Variants in IGSF10 observed in about 807,000 individuals in gnomAD.
IGSF10 encodes the protein calvaria mechanical force protein 608.
In IGSF10, 126 loss-of-function variants were observed where a neutral mutation model predicts 128.2. The observed-to-expected ratio is 0.98, with a 90% CI of 0.85 to 1.14. The LOEUF (loss-of-function observed/expected upper bound fraction) is 1.14. Ranked by LOEUF, IGSF10 falls within the 50% of genes most tolerant of loss-of-function variation. The pLI is 0.00. For synonymous variants in IGSF10, 1,185 were observed against 1,146.2 expected (o/e 1.03, Z -0.68); for missense variants, 3,295 against 3,149.8 (o/e 1.05, Z -1.10).
At chr3:151,608,442 G>A in the IGSF10 span, among the ~76,000 whole-genome samples, 3 of 152,298 alleles carry the variant, frequency 2.0e-5, no homozygotes, top group Admixed American at 6.5e-5. Context: ...GCCTTTGGAC[G>A]TTCAGGTTTC....
At chr3:151,547,079 C>A in the IGSF10 span, among the ~76,000 whole-genome samples, 2 of 152,026 alleles carry the variant, frequency 1.3e-5, no homozygotes, top group Non-Finnish European at 2.9e-5. Context: ...GGCCTCTTTT[C>A]TCCATATTTC....
chr3:151,607,679 A>C, the IGSF10 span, among the ~76,000 whole-genome samples: 3 of 152,116 alleles, frequency 2.0e-5, no homozygotes, highest in African/African-American at 7.2e-5. Context: ...TGGGAGGCTG[A>C]GGCGGGCGGA....
At position 151,436,488 on chromosome 3, in the gene IGSF10, GT is replaced by G; in HGVS notation, c.*200del. ...AAAATAAAAGTGCCTTAAGTTAAAA[GT>G]TTGTTTTGAGATCCATTAAATAAAT... is the stretch of plus-strand genomic sequence containing the variant. On this transcript the variant is annotated 3_prime_UTR_variant, in exon 8 of 8. Coordinates refer to ENST00000282466, the MANE Select transcript of IGSF10 (RefSeq NM_178822.5). 2.2e-6 allele frequency: 1 copy of G among 450,020 alleles called. No individual in the cohort carries two copies. The highest frequency in any genetic ancestry group is 3.5e-5 in the East Asian group (1 of 28,406). The allele number at this position is 450,020 out of a possible 1,614,324, so 27.9% of individuals were successfully genotyped here.
the IGSF10 span, among the ~76,000 whole-genome samples, chr3:151,603,678 G>C: frequency 8.5e-5 from 13 of 152,206 alleles, no homozygotes; most frequent in Admixed American, 2.6e-4. Context: ...AGTGTGAGTT[G>C]GCAAAGCTGT....
chr3:151,463,546 T>TTTTG (rs1722160935), upstream of IGSF10, among the ~76,000 whole-genome samples: 1 of 103,638 alleles, frequency 9.6e-6, no homozygotes, highest in African/African-American at 3.8e-5. Context: ...TTTTTTTTTT[T>TTTTG]TTTTTTTTTT....
At chr3:151,588,270 G>A in the IGSF10 span, among the ~76,000 whole-genome samples, 2 of 152,056 alleles carry the variant, frequency 1.3e-5, no homozygotes, top group Admixed American at 6.5e-5. Flanking sequence ...CTTCTGCTGG[G>A]TCTCATCATG....
chr3:151,569,564 C>T, the IGSF10 span, among the ~76,000 whole-genome samples: 1 of 152,018 alleles, frequency 6.6e-6, no homozygotes, highest in South Asian at 2.1e-4. Flanking sequence ...ATTGCAATGC[C>T]TTGGCTTTCA....
In IGSF10 at chr3:151,445,481, A is replaced by G. The variant is rs1721129916; in HGVS notation, c.4500T>C (p.Asn1500=). The G allele has an allele frequency of 6.2e-7, 1 of 1,614,004 alleles. No individual in the cohort carries two copies. Among genetic ancestry groups the G allele is most frequent in the South Asian group, 1.1e-5 (1 of 91,088 alleles). The part of the protein sequence containing the change: ...VATPISGLMT[N]TVVKLHESSR... ...AGGATTCGTGCAGCTTGACCACTGT[A>G]TTTGTCATAAGCCCGGAAATGGGAG... Residue 1500 remains asparagine, a synonymous_variant, in exon 6 of 8, where the codon AAT becomes AAC. Transcript: ENST00000282466.
chr3:151,537,071 T>G, the IGSF10 span, among the ~76,000 whole-genome samples: 1 of 152,188 alleles, frequency 6.6e-6, no homozygotes, highest in African/African-American at 2.4e-5. Context: ...TTGGGATGAT[T>G]TGCAAGGATT....
At chr3:151,599,752 A>AT in the IGSF10 span, among the ~76,000 whole-genome samples, 210 of 152,128 alleles carry the variant, frequency 1.4e-3, no homozygotes, top group Admixed American at 1.7e-3. Flanking sequence ...GGATATTTGT[A>AT]TTTTTTTTAA....
the IGSF10 span, among the ~76,000 whole-genome samples, chr3:151,476,773 G>C: frequency 6.6e-6 from 1 of 152,210 alleles, no homozygotes; most frequent in Non-Finnish European, 1.5e-5. Flanking sequence ...TATGTTTAGA[G>C]AGGTGGCAGT....
intron 7 of IGSF10, among the ~76,000 whole-genome samples, chr3:151,440,310 G>A (rs1014908987): frequency 6.6e-6 from 1 of 152,148 alleles, no homozygotes; most frequent in African/African-American, 2.4e-5. Context: ...AATGACAGGC[G>A]TGAACCACCA....
chr3:151,501,863 A>G, the IGSF10 span, among the ~76,000 whole-genome samples: 1 of 152,130 alleles, frequency 6.6e-6, no homozygotes, highest in Non-Finnish European at 1.5e-5. Context: ...TTAGTGAAAT[A>G]GCTCTTTTGT....
At chr3:151,517,099 A>G in the IGSF10 span, among the ~76,000 whole-genome samples, 2 of 152,030 alleles carry the variant, frequency 1.3e-5, no homozygotes, top group Non-Finnish European at 1.5e-5. Flanking sequence ...ATCCTTCATG[A>G]TAAGTTCTAT....
chr3:151,606,123 G>T, the IGSF10 span, among the ~76,000 whole-genome samples: 1 of 152,206 alleles, frequency 6.6e-6, no homozygotes, highest in Non-Finnish European at 1.5e-5. Context: ...TTGTCACTAA[G>T]TTCTGCCACC....
At chr3:151,476,364 G>A in the IGSF10 span, among the ~76,000 whole-genome samples, 5 of 152,016 alleles carry the variant, frequency 3.3e-5, no homozygotes, top group African/African-American at 4.8e-5. Context: ...TTTAATGAGC[G>A]CCTGGGTGTA....
the IGSF10 span, among the ~76,000 whole-genome samples, chr3:151,505,528 G>A: frequency 0.8 from 120,984 of 152,104 alleles, 48,255 homozygotes; most frequent in Middle Eastern, 0.9. Flanking sequence ...ATTATCAGGT[G>A]AAAAGGGGAT....
chr3:151,510,571 A>G, the IGSF10 span, among the ~76,000 whole-genome samples: 1 of 152,228 alleles, frequency 6.6e-6, no homozygotes. Context: ...CCTCCTCCAA[A>G]GGAATGCAGC....
the IGSF10 span, among the ~76,000 whole-genome samples, chr3:151,595,964 CCA>C: frequency 6.6e-6 from 1 of 151,422 alleles, no homozygotes; most frequent in South Asian, 2.1e-4. Context: ...GGTGCTCTTA[CCA>C]CACACACACA....
Sources: gnomAD v4.1 joint callset for allele counts (sites outside exome capture counted in the v4.1 genomes callset) on GRCh38, gnomAD v4.1.1 for gene constraint, MANE v1.5 for transcripts, NCBI Gene and HGNC (gene_info 2026-07-23, HGNC 2026-07-21) for gene names.